The following LDLRAD4 variants were observed in gnomAD, a reference collection of about 807,000 sequenced individuals.
The protein encoded by LDLRAD4 is low density lipoprotein receptor class A domain containing 4, also known as low-density lipoprotein receptor class A domain-containing protein 4.
LDLRAD4 carries 5 observed loss-of-function variants against 17.0 expected under a neutral mutation model. The ratio of observed to expected loss-of-function variants is 0.29; its 90% CI spans 0.15 to 0.62. The LOEUF (loss-of-function observed/expected upper bound fraction) is 0.62. Among genes scored for constraint, LDLRAD4 ranks in the 20% least tolerant of loss-of-function variants. LDLRAD4 has a pLI of 0.84. For missense variants in LDLRAD4, 340 were observed against 424.7 expected, an observed-to-expected ratio of 0.80 and a Z score of 1.75; for synonymous variants, 168 against 171.8, an observed-to-expected ratio of 0.98 and a Z score of 0.17.
chr18:13,465,112 G>GT (rs2092570799), intron 3 of LDLRAD4: 2 of 152,202 alleles, frequency 1.3e-5, no homozygotes, highest in South Asian at 4.1e-4. Flanking sequence ...ATCGCTGTTA[G>GT]TAAGTATCTT....
chr18:13,332,741 T>G (rs945833312), intron 1 of LDLRAD4, among the ~76,000 whole-genome samples: 3 of 128,194 alleles, frequency 2.3e-5, no homozygotes, highest in African/African-American at 9.7e-5. Flanking sequence ...GCTCATTTTT[T>G]TTGTTTTTTT....
At chr18:13,410,001 G>A (rs181327166) in intron 2 of LDLRAD4, among the ~76,000 whole-genome samples, 3 of 152,174 alleles carry the variant, frequency 2.0e-5, no homozygotes, top group East Asian at 1.9e-4. Context: ...AGGGCACGAC[G>A]CACTGAGTGG....
At chr18:13,304,857 A>G (rs973148799) in intron 1 of LDLRAD4, among the ~76,000 whole-genome samples, 13 of 152,238 alleles carry the variant, frequency 8.5e-5, no homozygotes, top group African/African-American at 3.1e-4. Flanking sequence ...AAGATGACAC[A>G]GCAGACGGAA....
At chr18:13,355,985 T>TGCA (rs1336710022) in intron 1 of LDLRAD4, among the ~76,000 whole-genome samples, 1 of 152,202 alleles carries the variant, frequency 6.6e-6, no homozygotes, top group Non-Finnish European at 1.5e-5. Context: ...GCAATCCAGT[T>TGCA]GCAGTGAGTT....
intron 1 of LDLRAD4, among the ~76,000 whole-genome samples, chr18:13,266,660 G>T (rs567393543): frequency 6.6e-6 from 1 of 152,374 alleles, no homozygotes; most frequent in South Asian, 2.1e-4. Context: ...ACGCTCAGGC[G>T]CTGCCTGGCG....
At chr18:13,491,609 A>G (rs952937769) in intron 3 of LDLRAD4, 15 of 152,196 alleles carry the variant, frequency 9.9e-5, no homozygotes, top group African/African-American at 3.6e-4. Context: ...TTAGTAAGCT[A>G]TATTGAAGAT....
chr18:13,286,727 G>C (rs935828864), intron 1 of LDLRAD4, among the ~76,000 whole-genome samples: 1 of 152,182 alleles, frequency 6.6e-6, no homozygotes, highest in Admixed American at 6.5e-5. Flanking sequence ...CTGAGGGTGG[G>C]AGTCAGTGGA....
rs117432174 is a variant in LDLRAD4 at position 13,385,313 on chromosome 18, C to T, written c.-382-2028C>T. ...AGAAACATCTTTTCAGGTAATTGCC[C>T]GTTTTAAAAATTGGGTTGTTTTCTT... On this transcript the variant is annotated intron_variant, in intron 1 of 5. Transcript: ENST00000359446. Among the ~76,000 whole-genome samples the T allele has an allele frequency of 5.3e-4, 81 of 152,214 alleles. No homozygotes were observed. In the East Asian group the frequency reaches 0.013, roughly 24 times the overall value.
intron 2 of LDLRAD4, among the ~76,000 whole-genome samples, chr18:13,401,533 C>T (rs986550586): frequency 9.9e-5 from 15 of 152,070 alleles, no homozygotes; most frequent in African/African-American, 3.4e-4. Flanking sequence ...GGGGGTTGGG[C>T]GGACTCTCCT....
At chr18:13,236,161 A>G (rs747721777) in intron 1 of LDLRAD4, among the ~76,000 whole-genome samples, 55 of 152,204 alleles carry the variant, frequency 3.6e-4, no homozygotes, top group Non-Finnish European at 7.1e-4. Flanking sequence ...GAGTGGTTCC[A>G]TCTGGCACCC....
chr18:13,387,728 G>A (rs756905457), exon 2 of LDLRAD4: 8 of 1,613,834 alleles, frequency 5.0e-6, no homozygotes, highest in African/African-American at 2.7e-5. Context: ...GCAGTATGCC[G>A]GAAGCTGGTT....
At chr18:13,632,945 C>G (rs2041797217) in intron 4 of LDLRAD4, among the ~76,000 whole-genome samples, 1 of 152,044 alleles carries the variant, frequency 6.6e-6, no homozygotes, top group African/African-American at 2.4e-5. Flanking sequence ...CAGGTCATCC[C>G]AATGTCTGTC....
At chr18:13,644,129 C>T (rs957785286) in intron 5 of LDLRAD4, among the ~76,000 whole-genome samples, 4 of 152,042 alleles carry the variant, frequency 2.6e-5, no homozygotes, top group Non-Finnish European at 5.9e-5. Context: ...CTGGAAAAGT[C>T]TAGGAGCCAC....
rs560125032 is a variant in LDLRAD4 at position 13,446,975 on chromosome 18, C to G, written c.181+8591C>G. The stretch of plus-strand genomic sequence containing the variant: ...ACTGCAGGGGGTGTGGGTCAGGGGT[C>G]TTCCAGGTTGTGGTGTTACCTTGGA... On this transcript the variant is annotated intron_variant, in intron 3 of 5. Coordinates refer to ENST00000359446, the Ensembl canonical transcript of LDLRAD4. Among the ~76,000 whole-genome samples the G allele has an allele frequency of 5.9e-5, 9 of 152,290 alleles. No homozygotes were observed. In the South Asian group the frequency reaches 1.9e-3, roughly 32 times the overall value.
intron 3 of LDLRAD4, among the ~76,000 whole-genome samples, chr18:13,480,235 A>G (rs1336944192): frequency 6.6e-6 from 1 of 152,234 alleles, no homozygotes; most frequent in African/African-American, 2.4e-5. Context: ...CAGCACTAAA[A>G]AGAAATGTGC....
intron 1 of LDLRAD4, among the ~76,000 whole-genome samples, chr18:13,323,721 A>G (rs1030182129): frequency 6.6e-6 from 1 of 152,248 alleles, no homozygotes; most frequent in Non-Finnish European, 1.5e-5. Flanking sequence ...AAGGATTTCC[A>G]GTGAATACTC....
chr18:13,383,203 T>C (rs1272330559), intron 1 of LDLRAD4, among the ~76,000 whole-genome samples: 1 of 152,218 alleles, frequency 6.6e-6, no homozygotes, highest in East Asian at 1.9e-4. Context: ...TCAGGGAAGC[T>C]TCACGTAAGT....
chr18:13,316,739 C>T (rs2080953823), intron 1 of LDLRAD4, among the ~76,000 whole-genome samples: 1 of 152,164 alleles, frequency 6.6e-6, no homozygotes, highest in Admixed American at 6.5e-5. Flanking sequence ...AGTTAGGACA[C>T]ATGTTACAAT....
At position 13,386,895 on chromosome 18, in the gene LDLRAD4, GATA is replaced by G. The variant is rs1471847983; in HGVS notation, c.-382-445_-382-443del. Among the ~76,000 whole-genome samples, 16 of 4,972 alleles carry G rather than the reference GATA, an allele frequency of 3.2e-3. No homozygotes were observed. In the South Asian group the frequency reaches 0.093, roughly 29 times the overall value. 3.3% of individuals were successfully genotyped at this position (4,972 alleles called of 152,430 possible). ...GCTTAGTGAGACCCTGTCATTCATA[GATA>G]GATAGATAGATAGATAGATAGATAG... is the stretch of plus-strand genomic sequence containing the variant. On this transcript the variant is annotated intron_variant, in intron 1 of 5. Coordinates refer to ENST00000359446, the Ensembl canonical transcript of LDLRAD4.
Sources: allele counts gnomAD v4.1 joint callset (sites outside exome capture counted in the v4.1 genomes callset), GRCh38; gene constraint gnomAD v4.1.1; transcripts MANE v1.5; gene names NCBI Gene and HGNC (gene_info 2026-07-23, HGNC 2026-07-21).